Variants in GLCCI1 observed in about 807,000 individuals in gnomAD.
GLCCI1 encodes the protein glucocorticoid induced 1, also known as glucocorticoid-induced transcript 1 protein.
GLCCI1 carries 24 observed loss-of-function variants against 52.2 expected under a neutral mutation model. The ratio of observed to expected loss-of-function variants is 0.46; its 90% CI spans 0.33 to 0.65. The LOEUF is 0.65. GLCCI1 is among the 30% of genes least tolerant of loss of function. GLCCI1 has a pLI of 0.02. For synonymous variants in GLCCI1, 310 were observed against 276.5 expected (o/e 1.12, Z -1.20); for missense variants, 704 against 701.5 (o/e 1.00, Z -0.04).
intron 6 of GLCCI1, among the ~76,000 whole-genome samples, chr7:8,077,539 G>C (rs1329900293): frequency 4.6e-5 from 7 of 152,168 alleles, no homozygotes; most frequent in Non-Finnish European, 8.8e-5. Context: ...TTAATTATGT[G>C]CCCTTGGACA....
chr7:8,009,432 C>T (rs1781217492), intron 2 of GLCCI1, among the ~76,000 whole-genome samples: 1 of 152,130 alleles, frequency 6.6e-6, no homozygotes, highest in African/African-American at 2.4e-5. Context: ...CAGCAATAAT[C>T]AGAGGTATTT....
At chr7:8,031,349 A>G (rs1404192011) in intron 3 of GLCCI1, among the ~76,000 whole-genome samples, 1 of 152,154 alleles carries the variant, frequency 6.6e-6, no homozygotes, top group African/African-American at 2.4e-5. Context: ...AATCAAAACA[A>G]TAGAACTCGT....
chr7:8,020,630 C>A (rs989673085), intron 2 of GLCCI1, among the ~76,000 whole-genome samples: 1 of 151,998 alleles, frequency 6.6e-6, no homozygotes, highest in Non-Finnish European at 1.5e-5. Flanking sequence ...AAGGGCTGTA[C>A]AAAATGAATG....
intron 6 of GLCCI1, chr7:8,084,543 A>G (rs148989019): frequency 5.6e-4 from 96 of 170,370 alleles, no homozygotes; most frequent in African/African-American, 2.2e-3. Context: ...TATCATTATA[A>G]TCTGTTTTAT....
chr7:8,082,682 C>CA (rs1004472854), intron 6 of GLCCI1, among the ~76,000 whole-genome samples: 1 of 152,174 alleles, frequency 6.6e-6, no homozygotes, highest in Non-Finnish European at 1.5e-5. Context: ...TTAATACCCC[C>CA]AAAAAAAGCA....
chr7:8,073,302 T>C (rs1383397222), intron 6 of GLCCI1, among the ~76,000 whole-genome samples: 1 of 152,142 alleles, frequency 6.6e-6, no homozygotes, highest in Non-Finnish European at 1.5e-5. Context: ...AAAATATCAA[T>C]TATTTAATAC....
intron 4 of GLCCI1, among the ~76,000 whole-genome samples, chr7:8,059,589 C>T (rs1178854782): frequency 6.6e-6 from 1 of 152,170 alleles, no homozygotes; most frequent in Non-Finnish European, 1.5e-5. Flanking sequence ...TTGAACTTAG[C>T]ATAATACTGT....
At chr7:8,001,756 T>C (rs908471218) in intron 1 of GLCCI1, among the ~76,000 whole-genome samples, 5 of 152,212 alleles carry the variant, frequency 3.3e-5, no homozygotes, top group Non-Finnish European at 4.4e-5. Flanking sequence ...ATATACACCA[T>C]GGAATACTAT....
chr7:8,025,694 A>G (rs539250703), intron 3 of GLCCI1, among the ~76,000 whole-genome samples: 1 of 152,326 alleles, frequency 6.6e-6, no homozygotes, highest in South Asian at 2.1e-4. Context: ...GGAAAACACA[A>G]AGAGAGCCAT....
intron 2 of GLCCI1, among the ~76,000 whole-genome samples, chr7:8,005,002 CTG>C (rs1353236001): frequency 6.6e-6 from 1 of 152,204 alleles, no homozygotes; most frequent in East Asian, 1.9e-4. Flanking sequence ...TCTTTATCAT[CTG>C]TCTCATCAGT....
chr7:8,071,271 C>G, intron 6 of GLCCI1, 140 bp downstream of exon 6: 2 of 682,280 alleles, frequency 2.9e-6, no homozygotes, highest in South Asian at 1.9e-5. Context: ...TTTCTTTGTT[C>G]ATTGGTTTCA....
chr7:8,002,994 C>T (rs1441408976), intron 1 of GLCCI1, among the ~76,000 whole-genome samples: 1 of 152,106 alleles, frequency 6.6e-6, no homozygotes, highest in African/African-American at 2.4e-5. Flanking sequence ...GTTCAGTATT[C>T]CTCTAGGACT....
chr7:7,970,844 TG>T (rs1388116855), intron 1 of GLCCI1, among the ~76,000 whole-genome samples: 4 of 152,000 alleles, frequency 2.6e-5, no homozygotes, highest in Non-Finnish European at 4.4e-5. Context: ...TGCTGCATTG[TG>T]GAGGGAACAG....
chr7:7,993,927 T>A (rs1268155120), intron 1 of GLCCI1, among the ~76,000 whole-genome samples: 1 of 152,230 alleles, frequency 6.6e-6, no homozygotes, highest in African/African-American at 2.4e-5. Flanking sequence ...TATATCCTGA[T>A]AAACACATCA....
chr7:7,969,362 C>CT lies in GLCCI1; in HGVS notation c.13dup (p.Ser5PhefsTer138), dbSNP rs1295877372. On this transcript the variant is annotated frameshift_variant, in exon 1 of 8. Coordinates refer to ENST00000223145, the MANE Select transcript of GLCCI1 (RefSeq NM_138426.4). LOFTEE classifies it high-confidence loss of function. This position sits in a 1 kb window ranked among gnomAD's most constrained non-coding sequence, Gnocchi z 4.9. ...CCCGCAGAGCCACCATGTCCACTGC[C>CT]TCCTCCTCCTCCTCCTCCAGTTCCT... 1 of 1,338,056 alleles carries CT rather than the reference C, an allele frequency of 7.5e-7. No individual in the cohort carries two copies. Among genetic ancestry groups the CT allele is most frequent in the Non-Finnish European group, 9.8e-7 (1 of 1,017,110 alleles). The allele number at this position is 1,338,056 out of a possible 1,614,324, so 82.9% of individuals were successfully genotyped here.
chr7:8,015,747 A>G (rs1202477929), intron 2 of GLCCI1, among the ~76,000 whole-genome samples: 1 of 152,198 alleles, frequency 6.6e-6, no homozygotes, highest in Non-Finnish European at 1.5e-5. Context: ...ATTAGTTTCA[A>G]ATACCATCTC....
chr7:8,062,162 T>C (rs1481495555), intron 5 of GLCCI1, among the ~76,000 whole-genome samples: 1 of 152,212 alleles, frequency 6.6e-6, no homozygotes, highest in East Asian at 1.9e-4. Context: ...CATACTTCAA[T>C]TGTAGCCATA....
chr7:8,060,530 TTGA>T (rs1782490086), intron 5 of GLCCI1, among the ~76,000 whole-genome samples: 1 of 152,216 alleles, frequency 6.6e-6, no homozygotes, highest in Non-Finnish European at 1.5e-5. Context: ...CACTAATCTG[TTGA>T]TGGATTTTTT....
At position 8,086,618 on chromosome 7, in the gene GLCCI1, C is replaced by A; in HGVS notation, c.*80C>A. The A allele has an allele frequency of 9.7e-7, 1 of 1,035,440 alleles. No homozygotes were observed. Among genetic ancestry groups the A allele is most frequent in the Non-Finnish European group, 1.4e-6 (1 of 700,162 alleles). The allele number at this position is 1,035,440 out of a possible 1,614,324, so 64.1% of individuals were successfully genotyped here. A position where few individuals can be genotyped will look rare whatever the true frequency, so the allele number is the denominator to read the frequency against. On this transcript the variant is annotated 3_prime_UTR_variant, in exon 8 of 8. Transcript: ENST00000223145. The surrounding 1 kb of genome is among the most constrained non-coding windows in gnomAD (Gnocchi z 4.4). ...GACATCTGCATGAGTGACAAACTTT[C>A]TGAACACCACCACCACCAATAATAC...
Sources: allele counts gnomAD v4.1 joint callset (sites outside exome capture counted in the v4.1 genomes callset), GRCh38; gene constraint gnomAD v4.1.1; non-coding constraint Gnocchi (gnomAD v3.1); transcripts MANE v1.5; gene names NCBI Gene and HGNC (gene_info 2026-07-23, HGNC 2026-07-21).